PCDH9: variants seen among roughly 807,000 people sequenced by gnomAD.
The protein encoded by PCDH9 is protocadherin 9.
PCDH9 carries 24 observed loss-of-function variants against 70.6 expected under a neutral mutation model. The observed-to-expected ratio is 0.34, with a 90% CI of 0.25 to 0.48. The LOEUF is 0.48. Among genes scored for constraint, PCDH9 ranks in the 20% least tolerant of loss-of-function variants. PCDH9 has a pLI of 0.99. For missense variants in PCDH9, 1,281 were observed against 1,503.6 expected (o/e 0.85, Z 2.45); for synonymous variants, 562 against 558.5 (o/e 1.01, Z -0.09).
chr13:66,750,106 C>T (rs1329021827), intron 3 of PCDH9, among the ~76,000 whole-genome samples: 3 of 151,908 alleles, frequency 2.0e-5, no homozygotes, highest in Admixed American at 6.6e-5. Flanking sequence ...CACACACACA[C>T]ACAATAAAAA....
intron 4 of PCDH9, among the ~76,000 whole-genome samples, chr13:66,418,866 C>A (rs1265467322): frequency 4.6e-5 from 7 of 151,768 alleles, no homozygotes; most frequent in African/African-American, 1.7e-4. Flanking sequence ...GAAGTAAAGA[C>A]AAAAGAATCA....
chr13:66,514,028 C>T (rs532562382), intron 4 of PCDH9, among the ~76,000 whole-genome samples: 4 of 152,100 alleles, frequency 2.6e-5, no homozygotes, highest in South Asian at 2.1e-4. Context: ...TTTGTGACCC[C>T]GAGTCCACAT....
chr13:66,755,947 C>T lies in PCDH9; in HGVS notation c.3139-124536G>A, dbSNP rs1170717484. 2.6e-5 allele frequency among the ~76,000 whole-genome samples: 4 copies of T among 152,114 alleles called. No individual in the cohort carries two copies. In the East Asian group the frequency reaches 7.7e-4, roughly 29 times the overall value. ...AGTGGCTTTCTGTGCATTTCAAAATCGTTTGCATCCCTTAGAGCTCTCAAT... is the reference window on the plus strand; with the variant it reads ...AGTGGCTTTCTGTGCATTTCAAAATTGTTTGCATCCCTTAGAGCTCTCAAT... On this transcript the variant is annotated intron_variant, in intron 3 of 4. Coordinates refer to ENST00000377865, the MANE Select transcript of PCDH9 (RefSeq NM_203487.3).
chr13:66,578,902 C>T (rs994388879), intron 4 of PCDH9, among the ~76,000 whole-genome samples: 4 of 152,116 alleles, frequency 2.6e-5, no homozygotes, highest in African/African-American at 9.6e-5. Flanking sequence ...AGTCTTTATG[C>T]TTCTTAAATC....
At chr13:66,695,606 C>T (rs1053833908) in intron 3 of PCDH9, among the ~76,000 whole-genome samples, 3 of 152,166 alleles carry the variant, frequency 2.0e-5, no homozygotes, top group African/African-American at 2.4e-5. Context: ...AGATACTGTG[C>T]TATCCCTATC....
chr13:66,890,855 T>C (rs2082085020), intron 3 of PCDH9, among the ~76,000 whole-genome samples: 2 of 152,120 alleles, frequency 1.3e-5, no homozygotes, highest in Admixed American at 6.6e-5. Flanking sequence ...TCTGTTTAAC[T>C]CTGTCAGTGT....
At chr13:66,934,558 G>GAAAAAAAAAAAGAAAAAGAAAAGAA (rs1555288043) in intron 2 of PCDH9, among the ~76,000 whole-genome samples, 1 of 134,816 alleles carries the variant, frequency 7.4e-6, no homozygotes, top group Non-Finnish European at 1.6e-5. Flanking sequence ...AAAAAAAAAA[G>GAAAAAAAAAAAGAAAAAGAAAAGAA]AAAAAGAAAA....
intron 2 of PCDH9, among the ~76,000 whole-genome samples, chr13:66,919,123 T>C (rs2082601247): frequency 6.6e-6 from 1 of 151,302 alleles, no homozygotes; most frequent in African/African-American, 2.4e-5. Context: ...GGTTATTTTA[T>C]CTTCTCACTA....
At chr13:66,694,688 ACT>A (rs1292292665) in intron 3 of PCDH9, among the ~76,000 whole-genome samples, 2 of 146,890 alleles carry the variant, frequency 1.4e-5, no homozygotes, top group African/African-American at 2.7e-5. Context: ...TATAAAAATA[ACT>A]CTAAATACTG....
chr13:66,939,827 G>A (rs755390728), intron 2 of PCDH9, among the ~76,000 whole-genome samples: 22 of 152,256 alleles, frequency 1.4e-4, no homozygotes, highest in Non-Finnish European at 2.4e-4. Flanking sequence ...GGCGCATTTA[G>A]TATGCTGTCA....
At chr13:66,964,044 A>G (rs567671711) in intron 2 of PCDH9, among the ~76,000 whole-genome samples, 1 of 152,260 alleles carries the variant, frequency 6.6e-6, no homozygotes, top group East Asian at 1.9e-4. Context: ...GATTAGATCT[A>G]TGTGGATAAT....
At chr13:67,040,139 C>T (rs1244921229) in intron 2 of PCDH9, among the ~76,000 whole-genome samples, 1 of 152,168 alleles carries the variant, frequency 6.6e-6, no homozygotes, top group East Asian at 1.9e-4. Flanking sequence ...CAGAATTGGG[C>T]TATTTCATAA....
chr13:67,113,985 C>G (rs1382022816), intron 2 of PCDH9, among the ~76,000 whole-genome samples: 2 of 152,132 alleles, frequency 1.3e-5, no homozygotes, highest in East Asian at 3.8e-4. Context: ...ACAATATATG[C>G]CAAGTCTTAT....
intron 2 of PCDH9, among the ~76,000 whole-genome samples, chr13:67,194,949 T>C (rs760898657): frequency 6.0e-4 from 91 of 152,148 alleles, no homozygotes; most frequent in Non-Finnish European, 9.0e-4. Flanking sequence ...TCATTTGTAA[T>C]TACAATGGAT....
At chr13:66,313,319 CT>C (rs1430745736) in intron 4 of PCDH9, among the ~76,000 whole-genome samples, 3 of 152,084 alleles carry the variant, frequency 2.0e-5, no homozygotes, top group Admixed American at 6.6e-5. Context: ...CACGTTTTTC[CT>C]TTCAAAAATT....
intron 4 of PCDH9, among the ~76,000 whole-genome samples, chr13:66,332,095 G>A (rs778437465): frequency 1.5e-4 from 23 of 152,122 alleles, no homozygotes; most frequent in Admixed American, 5.2e-4. Context: ...CAAAGAGAAG[G>A]CTGCTCTCAG....
In PCDH9 at chr13:66,776,501, C is replaced by T. The variant is rs547084778; in HGVS notation, c.3138+127003G>A. ...ACCCCAATAACAGACAAATAGAGAG[C>T]CAAATCATGAGTGAACTCCCATTCA... On this transcript the variant is annotated intron_variant, in intron 3 of 4. Coordinates refer to ENST00000377865, the MANE Select transcript of PCDH9 (RefSeq NM_203487.3). 3.3e-5 allele frequency among the ~76,000 whole-genome samples: 5 copies of T among 151,096 alleles called. No individual in the cohort carries two copies. In the South Asian group the frequency reaches 1.0e-3, roughly 32 times the overall value.
chr13:66,544,714 T>G (rs1387588376), intron 4 of PCDH9, among the ~76,000 whole-genome samples: 4 of 152,120 alleles, frequency 2.6e-5, no homozygotes, highest in Non-Finnish European at 5.9e-5. Context: ...GAGAGGTAAC[T>G]TCCAGGTTTT....
intron 4 of PCDH9, among the ~76,000 whole-genome samples, chr13:66,410,620 G>A (rs910107701): frequency 1.3e-5 from 2 of 152,188 alleles, no homozygotes; most frequent in South Asian, 4.1e-4. Flanking sequence ...TGCTGAGCAG[G>A]TTAGCTCCTG....
Sources: gnomAD v4.1 joint callset for allele counts (sites outside exome capture counted in the v4.1 genomes callset) on GRCh38, gnomAD v4.1.1 for gene constraint, MANE v1.5 for transcripts, NCBI Gene and HGNC (gene_info 2026-07-23, HGNC 2026-07-21) for gene names.